Variants in GRID1 observed in about 807,000 individuals in gnomAD.
GRID1 encodes the protein glutamate ionotropic receptor delta type subunit 1.
Under a neutral mutation model 98.0 loss-of-function variants are expected in GRID1, and 28 were observed. The observed-to-expected ratio is 0.29, with a 90% CI of 0.21 to 0.39. GRID1 has a LOEUF of 0.39. Among genes scored for constraint, GRID1 ranks in the 10% least tolerant of loss-of-function variants. GRID1 has a pLI of 1.00. For synonymous variants in GRID1, 553 were observed against 538.5 expected, an observed-to-expected ratio of 1.03 and a Z score of -0.37; for missense variants, 1,111 against 1,340.5, an observed-to-expected ratio of 0.83 and a Z score of 2.67.
At chr10:85,978,372 T>G (rs1391401920) in intron 4 of GRID1, among the ~76,000 whole-genome samples, 1 of 152,230 alleles carries the variant, frequency 6.6e-6, no homozygotes, top group Non-Finnish European at 1.5e-5. Flanking sequence ...CTGGGTAGCT[T>G]ACCACAAAGA....
At chr10:85,967,147 G>A (rs1458214112) in intron 4 of GRID1, among the ~76,000 whole-genome samples, 15 of 152,152 alleles carry the variant, frequency 9.9e-5, no homozygotes, top group Non-Finnish European at 1.5e-5. Flanking sequence ...ATGATTGTGA[G>A]GCCTCCCCAG....
At chr10:85,744,675 TC>T (rs1841981517) in intron 8 of GRID1, among the ~76,000 whole-genome samples, 1 of 83,596 alleles carries the variant, frequency 1.2e-5, no homozygotes, top group Non-Finnish European at 2.3e-5. Context: ...GGACTTCATG[TC>T]CAAAACACCA....
At chr10:85,795,531 T>C (rs1842518779) in intron 8 of GRID1, among the ~76,000 whole-genome samples, 1 of 152,236 alleles carries the variant, frequency 6.6e-6, no homozygotes. Flanking sequence ...AAGGCATTTT[T>C]ATTTTTCATT....
chr10:85,893,857 G>A (rs956708655), intron 5 of GRID1, among the ~76,000 whole-genome samples: 1 of 152,200 alleles, frequency 6.6e-6, no homozygotes, highest in African/African-American at 2.4e-5. Flanking sequence ...ATTCTAAAAT[G>A]CGTATGGAAA....
At chr10:86,265,895 C>A (rs1847095951) in intron 2 of GRID1, among the ~76,000 whole-genome samples, 1 of 152,148 alleles carries the variant, frequency 6.6e-6, no homozygotes, top group South Asian at 2.1e-4. Context: ...CGCTGATCAG[C>A]AGCCCAGCCT....
chr10:85,641,744 A>G (rs1169190115), intron 13 of GRID1, among the ~76,000 whole-genome samples: 1 of 152,232 alleles, frequency 6.6e-6, no homozygotes, highest in Non-Finnish European at 1.5e-5. Flanking sequence ...GAGATTGCTC[A>G]ATAGATTTCA....
intron 15 of GRID1, chr10:85,613,168 T>C (rs1478697368): frequency 8.8e-6 from 5 of 565,742 alleles, no homozygotes; most frequent in African/African-American, 5.6e-5. Flanking sequence ...TACAGGACTT[T>C]AGTGGCTAAG....
chr10:85,654,153 G>A (rs1440985973), intron 12 of GRID1, among the ~76,000 whole-genome samples: 1 of 152,100 alleles, frequency 6.6e-6, no homozygotes, highest in African/African-American at 2.4e-5. Context: ...TCAAACCTAT[G>A]CCTGAAAGCC....
intron 2 of GRID1, among the ~76,000 whole-genome samples, chr10:86,318,638 G>A (rs964253930): frequency 1.3e-5 from 2 of 152,236 alleles, no homozygotes; most frequent in African/African-American, 4.8e-5. Flanking sequence ...TTGAGCCTGA[G>A]GACATGGCAG....
intron 5 of GRID1, among the ~76,000 whole-genome samples, chr10:85,897,363 T>C (rs1456951010): frequency 1.3e-5 from 2 of 152,168 alleles, no homozygotes; most frequent in Non-Finnish European, 2.9e-5. Flanking sequence ...GCTGGGAAGT[T>C]CTCTGTGGCT....
chr10:85,778,599 A>T (rs1352894533), intron 8 of GRID1, among the ~76,000 whole-genome samples: 1 of 152,206 alleles, frequency 6.6e-6, no homozygotes, highest in Non-Finnish European at 1.5e-5. Context: ...CAGGGCAAGG[A>T]GACAAGTTTG....
chr10:86,014,105 T>A (rs1842951886), intron 4 of GRID1, among the ~76,000 whole-genome samples: 1 of 152,162 alleles, frequency 6.6e-6, no homozygotes, highest in African/African-American at 2.4e-5. Context: ...AGCTCTCTAC[T>A]TTTTCCAGGC....
chr10:86,268,337 C>T (rs1006237778), intron 2 of GRID1, among the ~76,000 whole-genome samples: 1 of 152,236 alleles, frequency 6.6e-6, no homozygotes, highest in African/African-American at 2.4e-5. Flanking sequence ...TCCTCTCTAC[C>T]GGTATCACCA....
intron 2 of GRID1, among the ~76,000 whole-genome samples, chr10:86,304,619 G>A (rs1217725310): frequency 6.6e-6 from 1 of 152,212 alleles, no homozygotes; most frequent in East Asian, 1.9e-4. Context: ...CTAACACACT[G>A]GTAAGGTATG....
intron 2 of GRID1, among the ~76,000 whole-genome samples, chr10:86,243,974 C>T (rs147918846): frequency 2.6e-5 from 4 of 152,336 alleles, no homozygotes; most frequent in South Asian, 2.1e-4. Flanking sequence ...CATGCACACA[C>T]GTGTGCTTGT....
At chr10:85,807,379 A>G (rs1216960390) in intron 8 of GRID1, among the ~76,000 whole-genome samples, 2 of 148,504 alleles carry the variant, frequency 1.3e-5, no homozygotes, top group East Asian at 3.9e-4. Flanking sequence ...GGAAAGAAAA[A>G]GAATCTTGAT....
intron 8 of GRID1, among the ~76,000 whole-genome samples, chr10:85,832,815 G>A (rs1280105216): frequency 6.6e-6 from 1 of 152,134 alleles, no homozygotes; most frequent in Non-Finnish European, 1.5e-5. Context: ...TCTTCTCCCA[G>A]CCAGACCAGA....
intron 8 of GRID1, among the ~76,000 whole-genome samples, chr10:85,835,699 T>C (rs1842906481): frequency 1.3e-5 from 2 of 152,178 alleles, no homozygotes; most frequent in Non-Finnish European, 2.9e-5. Flanking sequence ...AATTGACACA[T>C]ATAGAACATT....
intron 5 of GRID1, among the ~76,000 whole-genome samples, chr10:85,909,351 A>T (rs1246164070): frequency 1.3e-5 from 2 of 152,216 alleles, no homozygotes; most frequent in African/African-American, 4.8e-5. Context: ...TTTCTTGAAA[A>T]GTTAACATAA....
Sources: gnomAD v4.1 joint callset for allele counts (sites outside exome capture counted in the v4.1 genomes callset) on GRCh38, gnomAD v4.1.1 for gene constraint, MANE v1.5 for transcripts, NCBI Gene and HGNC (gene_info 2026-07-23, HGNC 2026-07-21) for gene names.